RTF1: variants seen among roughly 807,000 people sequenced by gnomAD.
The protein encoded by RTF1 is RTF1 homolog, Paf1/RNA polymerase II complex component, also known as RNA polymerase-associated protein RTF1 homolog.
RTF1 carries 10 observed loss-of-function variants against 95.7 expected under a neutral mutation model. The observed-to-expected ratio is 0.10, with a 90% confidence interval of 0.06 to 0.18. The LOEUF (loss-of-function observed/expected upper bound fraction) is 0.18. RTF1 is among the 10% of genes least tolerant of loss of function. The probability of loss-of-function intolerance (pLI) is 1.00; values close to 1 mark genes in which losing one functional copy is unlikely to be tolerated. For missense variants in RTF1, 458 were observed against 875.6 expected, an observed-to-expected ratio of 0.52 and a Z score of 6.02; for synonymous variants, 305 against 311.8, an observed-to-expected ratio of 0.98 and a Z score of 0.23.
At chr15:41,469,908 C>A (rs932011483) in intron 6 of RTF1, among the ~76,000 whole-genome samples, 2 of 152,152 alleles carry the variant, frequency 1.3e-5, no homozygotes, top group Non-Finnish European at 2.9e-5. Flanking sequence ...TTTAAATTTT[C>A]CTCAGAAGCT....
At chr15:41,470,141 G>T in intron 6 of RTF1, 116 bp from the exon 7 acceptor site, 1 of 1,099,464 alleles carries the variant, frequency 9.1e-7, no homozygotes, top group Non-Finnish European at 1.3e-6. Flanking sequence ...GCACAATCCA[G>T]TCTAGAGAGG....
intron 6 of RTF1, among the ~76,000 whole-genome samples, chr15:41,469,448 C>T (rs2050898126): frequency 6.6e-6 from 1 of 151,302 alleles, no homozygotes; most frequent in Admixed American, 6.6e-5. Flanking sequence ...TCCCAAACCC[C>T]TGAGCTCAAG....
intron 3 of RTF1, among the ~76,000 whole-genome samples, chr15:41,455,517 T>A (rs1276201941): frequency 6.6e-6 from 1 of 151,948 alleles, no homozygotes; most frequent in Non-Finnish European, 1.5e-5. Context: ...TAGAATGATA[T>A]AATGGGGCCA....
chr15:41,480,120 C>A, intron 16 of RTF1, 94 bp from the exon 17 acceptor site: 1 of 783,282 alleles, frequency 1.3e-6, no homozygotes, highest in South Asian at 1.6e-5. Flanking sequence ...ATCTAATGAA[C>A]TCAAATAAGA....
chr15:41,480,060 C>G (rs1288924952), intron 16 of RTF1, among the ~76,000 whole-genome samples, 154 bp from the exon 17 acceptor site: 1 of 152,100 alleles, frequency 6.6e-6, no homozygotes, highest in Non-Finnish European at 1.5e-5. Context: ...AGCTCTTTGT[C>G]TGTGGCCTCC....
chr15:41,423,560 G>A (rs894871348), intron 1 of RTF1, among the ~76,000 whole-genome samples: 1 of 151,896 alleles, frequency 6.6e-6, no homozygotes, highest in African/African-American at 2.4e-5. Flanking sequence ...TTAGAGATGG[G>A]GTTTCTCCAT....
At chr15:41,430,655 C>T (rs112187950) in intron 1 of RTF1, among the ~76,000 whole-genome samples, 7,616 of 151,414 alleles carry the variant, frequency 0.05, 230 homozygotes, top group East Asian at 0.16. Flanking sequence ...GTGGGAGAAT[C>T]GCTTGAACCT....
At chr15:41,431,359 C>T (rs763556713) in intron 1 of RTF1, among the ~76,000 whole-genome samples, 5 of 151,618 alleles carry the variant, frequency 3.3e-5, no homozygotes, top group East Asian at 1.9e-4. Context: ...GGATTACAGG[C>T]GCCTGCCACC....
In RTF1 at chr15:41,478,601, G is replaced by C. The variant is rs2050954313; in HGVS notation, c.1794G>C (p.Gln598His). The change falls in exon 15 of 18, where the codon CAG becomes CAC. Residue 598 changes from glutamine to histidine, a missense_variant. Coordinates refer to ENST00000389629, the MANE Select transcript of RTF1 (RefSeq NM_015138.5). Reference protein sequence around the residue: ...NQQMDPFTRRQCKPTIVSNSR... With the variant: ...NQQMDPFTRRHCKPTIVSNSR... ...AGATGGATCCCTTTACTCGGCGGCA[G>C]TGCAAGCCTACCATCGTTTCTAATG... 6.2e-7 allele frequency: 1 copy of C among 1,613,876 alleles called. No individual in the cohort carries two copies. Among genetic ancestry groups the C allele is most frequent in the Non-Finnish European group, 8.5e-7 (1 of 1,179,994 alleles).
chr15:41,458,005 G>A, intron 4 of RTF1, 129 bp downstream of exon 4: 2 of 672,338 alleles, frequency 3.0e-6, no homozygotes. Flanking sequence ...CTGTTAACAT[G>A]ATGAGACGCA....
At chr15:41,471,081 T>G in intron 7 of RTF1, 91 bp from the exon 8 acceptor site, 1 of 1,239,812 alleles carries the variant, frequency 8.1e-7, no homozygotes. Context: ...CACATGTACT[T>G]TGGTTAAGTT....
chr15:41,480,077 G>C (rs1045622910), intron 16 of RTF1, 137 bp from the exon 17 acceptor site: 2 of 621,738 alleles, frequency 3.2e-6, no homozygotes, highest in African/African-American at 1.8e-5. Flanking sequence ...CTCCCTCTGA[G>C]AGAAGGAATC....
chr15:41,431,931 G>A (rs1268317749), intron 1 of RTF1, among the ~76,000 whole-genome samples: 1 of 151,888 alleles, frequency 6.6e-6, no homozygotes, highest in Non-Finnish European at 1.5e-5. Context: ...CTCCCGAGTA[G>A]CTAGACTACA....
chr15:41,475,918 T>C (rs890493393), intron 11 of RTF1, 99 bp downstream of exon 11: 18 of 645,466 alleles, frequency 2.8e-5, no homozygotes, highest in Non-Finnish European at 4.3e-5. Flanking sequence ...CATTTTTAGC[T>C]ATGCATGAAA....
At chr15:41,468,821 AAG>A (rs796778517) in intron 6 of RTF1, among the ~76,000 whole-genome samples, 1 of 151,910 alleles carries the variant, frequency 6.6e-6, no homozygotes, top group Non-Finnish European at 1.5e-5. Context: ...CAATATTTTA[AAG>A]AGAGAGAGAG....
At chr15:41,441,943 C>T (rs1458399692) in intron 2 of RTF1, among the ~76,000 whole-genome samples, 1 of 152,134 alleles carries the variant, frequency 6.6e-6, no homozygotes, top group Non-Finnish European at 1.5e-5. Context: ...TAGCTTAGCA[C>T]GAGCACCTCT....
In RTF1 at chr15:41,438,335, G is replaced by A; in HGVS notation, c.213G>A (p.Leu71=). Residue 71 remains leucine, a synonymous_variant, in exon 2 of 18, where the codon CTG becomes CTA. Transcript: ENST00000389629. ...TGTCCCATTAGGAGCTCTTGTCCCT[G>A]GCAAAGCGAAAGCGCAGTGACTCTG... ...DENLDQELLS[L]AKRKRSDSEE... 6.5e-7 allele frequency: 1 copy of A among 1,550,218 alleles called. No homozygotes were observed. Among genetic ancestry groups the A allele is most frequent in the Non-Finnish European group, 8.7e-7 (1 of 1,145,926 alleles).
At chr15:41,426,797 G>A (rs1023865594) in intron 1 of RTF1, among the ~76,000 whole-genome samples, 3 of 135,198 alleles carry the variant, frequency 2.2e-5, no homozygotes, top group African/African-American at 8.3e-5. Flanking sequence ...GTGTGTGTGT[G>A]TGTGTGTGTG....
chr15:41,466,803 C>T (rs538986396), intron 6 of RTF1, among the ~76,000 whole-genome samples: 8 of 152,226 alleles, frequency 5.3e-5, no homozygotes, highest in African/African-American at 1.4e-4. Context: ...TGCCTTGCAG[C>T]GTTATTTGCT....
Sources: gnomAD v4.1 joint callset for allele counts (sites outside exome capture counted in the v4.1 genomes callset) on GRCh38, gnomAD v4.1.1 for gene constraint, MANE v1.5 for transcripts, NCBI Gene and HGNC (gene_info 2026-07-23, HGNC 2026-07-21) for gene names.